MACROD2: variants seen among roughly 807,000 people sequenced by gnomAD.
MACROD2 encodes ADP-ribose glycohydrolase MACROD2.
In MACROD2, 36 loss-of-function variants were observed where a neutral mutation model predicts 70.4. The ratio of observed to expected loss-of-function variants is 0.51; its 90% CI spans 0.39 to 0.68. The LOEUF (loss-of-function observed/expected upper bound fraction) is 0.68. MACROD2 is among the 30% of genes least tolerant of loss of function. The pLI, the probability that MACROD2 is intolerant of heterozygous loss-of-function variation, is 0.00. For synonymous variants in MACROD2, 172 were observed against 178.8 expected (o/e 0.96, Z 0.30); for missense variants, 496 against 538.4 (o/e 0.92, Z 0.78).
At chr20:15,725,328 T>G (rs1021784612) in intron 8 of MACROD2, among the ~76,000 whole-genome samples, 2 of 152,244 alleles carry the variant, frequency 1.3e-5, no homozygotes, top group African/African-American at 4.8e-5. Flanking sequence ...ATCTAAGTAT[T>G]TCATTTTGGG....
intron 4 of MACROD2, among the ~76,000 whole-genome samples, chr20:14,515,744 T>C (rs1308933211): frequency 6.6e-6 from 1 of 152,038 alleles, no homozygotes; most frequent in East Asian, 1.9e-4. Flanking sequence ...TGAAGGATAC[T>C]AAATTCCATT....
Position 15,674,559 on chromosome 20 carries a change from C to T in MACROD2, c.645+174712C>T, listed in dbSNP as rs192445179. The stretch of plus-strand genomic sequence containing the variant: ...TAGGTGCCCTTCTCAGTCCCCATAA[C>T]TCAAGGCATATTTTCCCATAATCAT... On this transcript the variant is annotated intron_variant, in intron 8 of 17. Coordinates refer to ENST00000684519, the MANE Select transcript of MACROD2 (RefSeq NM_001351661.2). 4.6e-3 allele frequency among the ~76,000 whole-genome samples: 695 copies of T among 152,208 alleles called. 29 individuals are homozygous for T. The highest frequency in any genetic ancestry group is 0.041 in the Admixed American group (628 of 15,278).
At chr20:14,251,875 T>C (rs559073246) in intron 3 of MACROD2, among the ~76,000 whole-genome samples, 13 of 152,072 alleles carry the variant, frequency 8.5e-5, no homozygotes, top group Admixed American at 2.0e-4. Context: ...CTTAAGACCA[T>C]GTATCTATTA....
rs559107078 is a variant in MACROD2 at position 15,698,342 on chromosome 20, T to C, written c.646-164403T>C. Among the ~76,000 whole-genome samples the C allele has an allele frequency of 2.6e-5, 4 of 152,302 alleles. No homozygotes were observed. The East Asian group carries it at 7.7e-4, about 29-fold the overall frequency. On this transcript the variant is annotated intron_variant, in intron 8 of 17. Coordinates refer to ENST00000684519, the MANE Select transcript of MACROD2 (RefSeq NM_001351661.2). ...TTTCCTTCATATATGATGGTTAGTT[T>C]CCCTGGATACAAAATTCTTGACTGA...
chr20:15,634,289 T>A (rs1417755850), intron 8 of MACROD2, among the ~76,000 whole-genome samples: 1 of 152,236 alleles, frequency 6.6e-6, no homozygotes, highest in Non-Finnish European at 1.5e-5. Context: ...TGTGTTTCCA[T>A]ATGCTTATTA....
intron 8 of MACROD2, among the ~76,000 whole-genome samples, chr20:15,528,617 T>C (rs2047753672): frequency 6.6e-6 from 1 of 152,170 alleles, no homozygotes; most frequent in Non-Finnish European, 1.5e-5. Context: ...CTCTGGCTTA[T>C]CTCCTGGACT....
At chr20:15,850,738 C>G (rs186154006) in intron 8 of MACROD2, among the ~76,000 whole-genome samples, 11 of 152,270 alleles carry the variant, frequency 7.2e-5, no homozygotes, top group Non-Finnish European at 1.3e-4. Context: ...AGTTTCCTGT[C>G]CTTTGAACAG....
intron 4 of MACROD2, among the ~76,000 whole-genome samples, chr20:14,633,984 C>G (rs979004531): frequency 1.3e-5 from 2 of 152,178 alleles, no homozygotes; most frequent in Admixed American, 1.3e-4. Context: ...TAAATATAAA[C>G]TCAGCCTGGC....
chr20:14,327,203 G>A (rs908361112), intron 3 of MACROD2: 2 of 1,613,588 alleles, frequency 1.2e-6, no homozygotes, highest in Admixed American at 1.7e-5. Context: ...TACTTTGGGA[G>A]GTTGGTAGGA....
intron 8 of MACROD2, among the ~76,000 whole-genome samples, chr20:15,636,089 A>AAAAAAAAG (rs1459679844): frequency 5.2e-5 from 7 of 135,020 alleles, no homozygotes; most frequent in South Asian, 2.4e-4. Context: ...AAAAAAAAAA[A>AAAAAAAAG]AAAGAAAGAA....
At chr20:15,751,271 T>C (rs773596827) in intron 8 of MACROD2, among the ~76,000 whole-genome samples, 1 of 152,090 alleles carries the variant, frequency 6.6e-6, no homozygotes, top group Non-Finnish European at 1.5e-5. Flanking sequence ...AATTATGATG[T>C]ATCAATTTGA....
chr20:15,268,673 T>A (rs961089652), intron 6 of MACROD2, among the ~76,000 whole-genome samples: 1 of 152,120 alleles, frequency 6.6e-6, no homozygotes, highest in African/African-American at 2.4e-5. Flanking sequence ...ATAAATAAAT[T>A]GAAATTCCCT....
intron 4 of MACROD2, among the ~76,000 whole-genome samples, chr20:14,520,971 A>ACACG (rs60084262): frequency 0.66 from 99,440 of 151,356 alleles, 33,079 homozygotes; most frequent in South Asian, 0.8. Context: ...ACACACACAC[A>ACACG]CACGCACACA....
chr20:14,258,210 C>A lies in MACROD2; in HGVS notation c.271+172482C>A, dbSNP rs1234981845. On this transcript the variant is annotated intron_variant, in intron 3 of 17. Transcript: ENST00000684519. The stretch of plus-strand genomic sequence containing the variant: ...GCTATAAACATGCATGTGCAAGTGT[C>A]TTTTTTCATATAATGACTTCTTTTC... 2.6e-5 allele frequency among the ~76,000 whole-genome samples: 4 copies of A among 152,184 alleles called. No individual in the cohort carries two copies. In the East Asian group the frequency reaches 7.7e-4, roughly 29 times the overall value.
intron 5 of MACROD2, among the ~76,000 whole-genome samples, chr20:14,997,970 C>A (rs1469910352): frequency 6.6e-6 from 1 of 152,158 alleles, no homozygotes; most frequent in Non-Finnish European, 1.5e-5. Context: ...CTAGGGAATT[C>A]TTCTGGCTGT....
chr20:15,889,956 T>C (rs175786), intron 10 of MACROD2, among the ~76,000 whole-genome samples: 145,577 of 152,180 alleles, frequency 0.96, 69,836 homozygotes, highest in East Asian at 1. Flanking sequence ...CTTCACTCCC[T>C]CAGGCCAAGA....
chr20:15,008,662 A>G (rs1221694216), intron 5 of MACROD2, among the ~76,000 whole-genome samples: 4 of 152,158 alleles, frequency 2.6e-5, no homozygotes, highest in Non-Finnish European at 4.4e-5. Flanking sequence ...CCCCCCTTAC[A>G]TAAGAGGGAG....
At chr20:15,506,252 G>C (rs552681210) in intron 8 of MACROD2, among the ~76,000 whole-genome samples, 4 of 152,296 alleles carry the variant, frequency 2.6e-5, no homozygotes, top group Non-Finnish European at 5.9e-5. Context: ...AGTTAGCCTT[G>C]TCACCCTCCC....
At chr20:15,286,037 A>G (rs1014231165) in intron 6 of MACROD2, among the ~76,000 whole-genome samples, 11 of 152,138 alleles carry the variant, frequency 7.2e-5, no homozygotes, top group Non-Finnish European at 1.6e-4. Flanking sequence ...GAGTAAAGGA[A>G]GGAGTCTTTC....
Sources: gnomAD v4.1 joint callset for allele counts (sites outside exome capture counted in the v4.1 genomes callset) on GRCh38, gnomAD v4.1.1 for gene constraint, MANE v1.5 for transcripts, NCBI Gene and HGNC (gene_info 2026-07-23, HGNC 2026-07-21) for gene names.